Variants in TCAIM observed in about 807,000 individuals in gnomAD.
TCAIM encodes T cell activation inhibitor, mitochondrial, also known as T-cell activation inhibitor, mitochondrial.
Under a neutral mutation model 58.6 loss-of-function variants are expected in TCAIM, and 36 were observed. That is an observed-to-expected ratio of 0.61 (90% CI 0.47 to 0.81). The LOEUF is 0.81. Among genes scored for constraint, TCAIM ranks in the 30% least tolerant of loss-of-function variants. The pLI is 0.00. For synonymous variants in TCAIM, 172 were observed against 193.6 expected, an observed-to-expected ratio of 0.89 and a Z score of 0.93; for missense variants, 466 against 579.6, an observed-to-expected ratio of 0.80 and a Z score of 2.01.
intron 1 of TCAIM, among the ~76,000 whole-genome samples, chr3:44,350,529 G>A (rs528620866): frequency 2.6e-5 from 4 of 151,880 alleles, no homozygotes; most frequent in Admixed American, 1.3e-4. Context: ...ACTTCCCAGA[G>A]TCAAGCCATC....
chr3:44,392,498 C>T (rs1240935579), intron 5 of TCAIM, among the ~76,000 whole-genome samples: 1 of 152,154 alleles, frequency 6.6e-6, no homozygotes, highest in African/African-American at 2.4e-5. Context: ...TCAAGTGGGT[C>T]CCAGTGTCTG....
chr3:44,362,688 G>A, intron 4 of TCAIM: 1 of 336,678 alleles, frequency 3.0e-6, no homozygotes, highest in Non-Finnish European at 5.3e-6. Context: ...CTTTTGTGAA[G>A]GAACAGGTAT....
At chr3:44,364,232 T>A (rs1701335665) in intron 4 of TCAIM, among the ~76,000 whole-genome samples, 1 of 149,976 alleles carries the variant, frequency 6.7e-6, no homozygotes, top group South Asian at 2.1e-4. Flanking sequence ...TGGCTGAGAC[T>A]GTCATTTAAA....
At chr3:44,400,755 T>C (rs560486651) in intron 9 of TCAIM, 168 bp downstream of exon 9, 2 of 634,764 alleles carry the variant, frequency 3.2e-6, no homozygotes, top group South Asian at 1.9e-5. Flanking sequence ...AAAGCCAGCA[T>C]GGGAGGATTG....
At position 44,357,882 on chromosome 3, in the gene TCAIM, C is replaced by T; in HGVS notation, c.165+6C>T. ...GACAGCACCCCGTAGAAAGGGTAAACATTTATTTATTTTTAAACCATTAGT... is the reference window on the plus strand; with the variant it reads ...GACAGCACCCCGTAGAAAGGGTAAATATTTATTTATTTTTAAACCATTAGT... On this transcript the variant is annotated splice_donor_region_variant and intron_variant, in intron 3 of 10. Coordinates refer to ENST00000342649, the MANE Select transcript of TCAIM (RefSeq NM_173826.4). The T allele has an allele frequency of 1.2e-6, 2 of 1,611,910 alleles. No individual in the cohort carries two copies. The highest frequency in any genetic ancestry group is 1.7e-6 in the Non-Finnish European group (2 of 1,179,492).
At chr3:44,399,934 G>A (rs540587049) in intron 8 of TCAIM, among the ~76,000 whole-genome samples, 2 of 152,228 alleles carry the variant, frequency 1.3e-5, no homozygotes. Flanking sequence ...CATATTTATT[G>A]CACTTAATTG....
chr3:44,349,889 A>G (rs1416388496), intron 1 of TCAIM, among the ~76,000 whole-genome samples: 1 of 152,174 alleles, frequency 6.6e-6, no homozygotes, highest in Non-Finnish European at 1.5e-5. Context: ...ACCCGATTTA[A>G]AATTGGTGAG....
In TCAIM at chr3:44,401,213, G is replaced by T. The variant is rs1333698173; in HGVS notation, c.1129G>T (p.Ala377Ser). The T allele has an allele frequency of 1.9e-6, 3 of 1,613,670 alleles. No homozygotes were observed. Among genetic ancestry groups the T allele is most frequent in the Non-Finnish European group, 2.5e-6 (3 of 1,179,860 alleles). ...TATATTTTATTGCAGTGACAGATATGCTCCAAGCTTGCATGAACTCGGGCA... is the reference window on the plus strand; with the variant it reads ...TATATTTTATTGCAGTGACAGATATTCTCCAAGCTTGCATGAACTCGGGCA... ...LQMILNSDRY[A>S]PSLHELGHFN... Residue 377 changes from alanine to serine, a missense_variant, in exon 10 of 11, where the codon GCT becomes TCT. Physicochemically the swap from Ala to Ser is moderately conservative, Grantham distance 99. Coordinates refer to ENST00000342649, the MANE Select transcript of TCAIM (RefSeq NM_173826.4).
intron 8 of TCAIM, among the ~76,000 whole-genome samples, chr3:44,398,319 A>G (rs1701967635): frequency 6.6e-6 from 1 of 152,104 alleles, no homozygotes; most frequent in African/African-American, 2.4e-5. Context: ...AGTCCCAGCT[A>G]TTTGGGAGGC....
intron 10 of TCAIM, among the ~76,000 whole-genome samples, chr3:44,402,685 A>C (rs1702038465): frequency 6.6e-6 from 1 of 152,152 alleles, no homozygotes; most frequent in African/African-American, 2.4e-5. Context: ...AGGAGATGTG[A>C]GTGCTGTAAA....
chr3:44,349,471 G>A (rs955229684), intron 1 of TCAIM, among the ~76,000 whole-genome samples: 10 of 152,148 alleles, frequency 6.6e-5, no homozygotes, highest in Admixed American at 3.9e-4. Context: ...GAGGAATGGA[G>A]GGTAGAAGGT....
At chr3:44,377,407 A>G (rs1197348532) in intron 5 of TCAIM, among the ~76,000 whole-genome samples, 1 of 151,614 alleles carries the variant, frequency 6.6e-6, no homozygotes. Flanking sequence ...GAGAAATAGA[A>G]AGTTCTACAA....
At chr3:44,385,331 G>A (rs1179132916) in intron 5 of TCAIM, among the ~76,000 whole-genome samples, 1 of 152,186 alleles carries the variant, frequency 6.6e-6, no homozygotes, top group Non-Finnish European at 1.5e-5. Context: ...TCACTTTACT[G>A]TAGATGCTTT....
rs372898649 is a variant in TCAIM, at chr3:44,401,186, T to A, written c.1119-17T>A. On this transcript the variant is annotated splice_polypyrimidine_tract_variant and intron_variant, in intron 9 of 10. Coordinates refer to ENST00000342649, the MANE Select transcript of TCAIM (RefSeq NM_173826.4). ...AGAGGGTCAGTGGTTTTTCCTTTAA[T>A]GTATATTTTATTGCAGTGACAGATA... The A allele has an allele frequency of 6.2e-7, 1 of 1,612,896 alleles. No homozygotes were observed. The highest frequency in any genetic ancestry group is 1.3e-5 in the African/African-American group (1 of 74,886).
At chr3:44,365,217 A>G (rs749175657) in intron 4 of TCAIM, among the ~76,000 whole-genome samples, 2 of 152,206 alleles carry the variant, frequency 1.3e-5, no homozygotes, top group African/African-American at 4.8e-5. Context: ...AAATTATTGA[A>G]CTAAAAAAAA....
intron 10 of TCAIM, among the ~76,000 whole-genome samples, chr3:44,405,540 G>A (rs189444626): frequency 1.3e-5 from 2 of 152,234 alleles, no homozygotes; most frequent in African/African-American, 4.8e-5. Flanking sequence ...GGGTGTGGTG[G>A]TTTGCACCTG....
At chr3:44,388,020 CTATA>C (rs1006727769) in intron 5 of TCAIM, among the ~76,000 whole-genome samples, 2 of 151,244 alleles carry the variant, frequency 1.3e-5, no homozygotes, top group African/African-American at 4.8e-5. Flanking sequence ...ATCATTCTCT[CTATA>C]TATATATATT....
At chr3:44,379,004 C>CA (rs1024109102) in intron 5 of TCAIM, among the ~76,000 whole-genome samples, 3 of 142,496 alleles carry the variant, frequency 2.1e-5, no homozygotes, top group Admixed American at 1.5e-4. Context: ...ACCAAAAATA[C>CA]AAAAAAATAG....
At chr3:44,372,210 G>T (rs531779021) in intron 5 of TCAIM, among the ~76,000 whole-genome samples, 1 of 152,130 alleles carries the variant, frequency 6.6e-6, no homozygotes, top group African/African-American at 2.4e-5. Flanking sequence ...TGGAACTAAT[G>T]CCTCATGTAT....
Sources: allele counts gnomAD v4.1 joint callset (sites outside exome capture counted in the v4.1 genomes callset), GRCh38; gene constraint gnomAD v4.1.1; transcripts MANE v1.5; gene names NCBI Gene and HGNC (gene_info 2026-07-23, HGNC 2026-07-21).